OTUD7A: variants seen among roughly 807,000 people sequenced by gnomAD.
The protein encoded by OTUD7A is OTU deubiquitinase 7A.
Under a neutral mutation model 65.7 loss-of-function variants are expected in OTUD7A, and 12 were observed. That is an observed-to-expected ratio of 0.18 (90% CI 0.12 to 0.30). The LOEUF (loss-of-function observed/expected upper bound fraction) is 0.30, where lower values mean the gene tolerates loss of function less well. Ranked by LOEUF, OTUD7A falls within the 10% of genes least tolerant of loss-of-function variation. The pLI is 1.00. For missense variants in OTUD7A, 1,148 were observed against 1,304.8 expected, an observed-to-expected ratio of 0.88 and a Z score of 1.85; for synonymous variants, 641 against 586.3, an observed-to-expected ratio of 1.09 and a Z score of -1.35.
intron 1 of OTUD7A, among the ~76,000 whole-genome samples, chr15:31,664,120 C>T (rs991544544): frequency 5.9e-5 from 9 of 152,176 alleles, no homozygotes; most frequent in Non-Finnish European, 1.3e-4. Context: ...GTGAACTGTG[C>T]TGCTACAAAC....
intron 1 of OTUD7A, among the ~76,000 whole-genome samples, chr15:31,837,372 C>CAAAAAAAAA (rs57479397): frequency 1.8e-4 from 22 of 120,312 alleles, no homozygotes; most frequent in African/African-American, 3.9e-4. Flanking sequence ...ACTAAAAATA[C>CAAAAAAAAA]AAAAAAAAAA....
rs1889426536 is a variant in OTUD7A at position 31,583,240 on chromosome 15, T to TTG, written c.152-13044_152-13043insCA. Among the ~76,000 whole-genome samples, 2 of 152,182 alleles carry TTG rather than the reference T, an allele frequency of 1.3e-5. 1 individual carries two copies. The highest frequency in any genetic ancestry group is 4.1e-4 in the South Asian group (2 of 4,826). ...TTTCTGGTGCAGTCTAGTGATAGTC[T>TTG]CTAGCAAGAGGCATTCATGCAAGGT... is the stretch of plus-strand genomic sequence containing the variant. On this transcript the variant is annotated intron_variant, in intron 3 of 12. Coordinates refer to ENST00000307050, the MANE Select transcript of OTUD7A (RefSeq NM_001382637.1).
chr15:31,820,118 C>T (rs1234300781), intron 1 of OTUD7A, among the ~76,000 whole-genome samples: 1 of 152,148 alleles, frequency 6.6e-6, no homozygotes, highest in African/African-American at 2.4e-5. Flanking sequence ...TACTTCATAT[C>T]ACAGGAAGCA....
intron 3 of OTUD7A, among the ~76,000 whole-genome samples, chr15:31,612,055 G>A (rs1241764674): frequency 6.6e-6 from 1 of 152,164 alleles, no homozygotes; most frequent in Non-Finnish European, 1.5e-5. Context: ...AAAATCATGT[G>A]ATCATTTCAA....
chr15:31,531,675 AC>A (rs965132411), intron 5 of OTUD7A, among the ~76,000 whole-genome samples: 2 of 151,814 alleles, frequency 1.3e-5, no homozygotes, highest in African/African-American at 4.8e-5. Context: ...CCCGACCACC[AC>A]CCCTGCCAGC....
intron 1 of OTUD7A, among the ~76,000 whole-genome samples, chr15:31,755,213 GA>G (rs1255659598): frequency 2.0e-5 from 3 of 151,790 alleles, no homozygotes; most frequent in Non-Finnish European, 4.4e-5. Context: ...GAAGGAGGGG[GA>G]AAGTGAGGAA....
chr15:31,499,611 T>C (rs2041434552), intron 10 of OTUD7A, among the ~76,000 whole-genome samples: 1 of 152,204 alleles, frequency 6.6e-6, no homozygotes, highest in Non-Finnish European at 1.5e-5. Flanking sequence ...GAGGTGAAGG[T>C]CTAAGGGGGC....
chr15:31,518,928 G>A (rs573541114), intron 8 of OTUD7A, among the ~76,000 whole-genome samples: 1 of 152,358 alleles, frequency 6.6e-6, no homozygotes, highest in East Asian at 1.9e-4. Context: ...GCTATGGCCT[G>A]GGAAGCTGAG....
At chr15:31,663,941 G>C (rs1191045231) in intron 1 of OTUD7A, among the ~76,000 whole-genome samples, 4 of 152,060 alleles carry the variant, frequency 2.6e-5, no homozygotes, top group Non-Finnish European at 5.9e-5. Flanking sequence ...TTCCATTCCT[G>C]AGTTACTTCA....
intron 5 of OTUD7A, 86 bp downstream of exon 5, chr15:31,558,883 C>T (rs762267624): frequency 2.9e-6 from 4 of 1,401,422 alleles, no homozygotes; most frequent in Non-Finnish European, 4.0e-6. Flanking sequence ...AGAACATGTG[C>T]CCTTCTCTTG....
At chr15:31,863,708 G>T (rs972696055) in intron 1 of OTUD7A, among the ~76,000 whole-genome samples, 12 of 152,168 alleles carry the variant, frequency 7.9e-5, no homozygotes, top group African/African-American at 2.9e-4. Flanking sequence ...TTCTCCAGAG[G>T]GGCTGCCATG....
chr15:31,626,824 C>T (rs1199630534), intron 3 of OTUD7A, among the ~76,000 whole-genome samples: 1 of 151,964 alleles, frequency 6.6e-6, no homozygotes, highest in Non-Finnish European at 1.5e-5. Context: ...GATTCTCCTG[C>T]CTTGGCCTCC....
chr15:31,496,086 C>CAA (rs1165657700), intron 10 of OTUD7A, among the ~76,000 whole-genome samples: 1 of 140,492 alleles, frequency 7.1e-6, no homozygotes, highest in African/African-American at 2.6e-5. Context: ...AAAAAAGTTT[C>CAA]AAAAAAAAAA....
chr15:31,632,887 A>C (rs1278744937), intron 3 of OTUD7A, among the ~76,000 whole-genome samples: 1 of 152,192 alleles, frequency 6.6e-6, no homozygotes, highest in Admixed American at 6.5e-5. Context: ...TGTGCTAGCA[A>C]TCAGGGAGAC....
At chr15:31,532,543 A>AC (rs78358459) in intron 5 of OTUD7A, among the ~76,000 whole-genome samples, 4 of 151,936 alleles carry the variant, frequency 2.6e-5, no homozygotes, top group Non-Finnish European at 4.4e-5. Flanking sequence ...TAAAAAAAAA[A>AC]ACACATATAC....
At chr15:31,778,917 C>A (rs1161547722) in intron 1 of OTUD7A, among the ~76,000 whole-genome samples, 1 of 152,108 alleles carries the variant, frequency 6.6e-6, no homozygotes, top group South Asian at 2.1e-4. Context: ...GACATGAATT[C>A]TTGGGGTAAA....
At chr15:31,729,548 C>T (rs1332314138) in intron 1 of OTUD7A, among the ~76,000 whole-genome samples, 2 of 152,136 alleles carry the variant, frequency 1.3e-5, no homozygotes, top group African/African-American at 4.8e-5. Context: ...AAAACTGGCA[C>T]TTAGATCTGA....
intron 2 of OTUD7A, among the ~76,000 whole-genome samples, chr15:31,656,313 G>GT (rs1221726104): frequency 6.6e-6 from 1 of 152,204 alleles, no homozygotes; most frequent in Admixed American, 6.5e-5. Flanking sequence ...ATGCATCCTT[G>GT]TGTTTGTGTA....
At chr15:31,696,820 G>A (rs921667895) in intron 1 of OTUD7A, among the ~76,000 whole-genome samples, 6 of 151,188 alleles carry the variant, frequency 4.0e-5, no homozygotes, top group African/African-American at 1.5e-4. Flanking sequence ...CAGGGCAAAT[G>A]CAGCCAGGAG....
Sources: allele counts gnomAD v4.1 joint callset (sites outside exome capture counted in the v4.1 genomes callset), GRCh38; gene constraint gnomAD v4.1.1; transcripts MANE v1.5; gene names NCBI Gene and HGNC (gene_info 2026-07-23, HGNC 2026-07-21).